CEP95: variants seen among roughly 807,000 people sequenced by gnomAD.
The protein encoded by CEP95 is centrosomal protein of 95 kDa.
CEP95 carries 98 observed loss-of-function variants against 111.2 expected under a neutral mutation model. The observed-to-expected ratio is 0.88, with a 90% CI of 0.75 to 1.04. CEP95 has a LOEUF of 1.04. Ranked by LOEUF, CEP95 falls within the 50% of genes least tolerant of loss-of-function variation. The pLI, the probability that CEP95 is intolerant of heterozygous loss-of-function variation, is 0.00. For synonymous variants in CEP95, 323 were observed against 327.1 expected, an observed-to-expected ratio of 0.99 and a Z score of 0.14; for missense variants, 1,027 against 977.2, an observed-to-expected ratio of 1.05 and a Z score of -0.68.
Position 64,508,503 on chromosome 17 carries a change from T to TG in CEP95, c.20-82dup, listed in dbSNP as rs201962290. 1.1e-3 allele frequency: 1,306 copies of TG among 1,226,254 alleles called. 8 individuals carry two copies. The African/African-American group carries it at 0.017, about 16-fold the overall frequency. 76.0% of individuals were successfully genotyped at this position (1,226,254 alleles called of 1,614,324 possible). ...TGCAAAGTTCAGTGTCTGTTTTTGT[T>TG]GGGGGGGAGGTTGTTGGATTTTTTA... On this transcript the variant is annotated intron_variant, in intron 1 of 19. Transcript: ENST00000556440.
chr17:64,521,349 C>T lies in CEP95; in HGVS notation c.590-53C>T, dbSNP rs551849206. ...AACTCTTGGCTTTTAGTATAATGTT[C>T]AGCAAACTATTTTGATAGTTAAAAA... is the stretch of plus-strand genomic sequence containing the variant. On this transcript the variant is annotated intron_variant, in intron 6 of 19. Transcript: ENST00000556440. The T allele has an allele frequency of 7.5e-4, 1,039 of 1,380,018 alleles. 10 individuals are homozygous for T. In the Middle Eastern group the frequency reaches 0.013, roughly 17 times the overall value. 85.5% of individuals were successfully genotyped at this position (1,380,018 alleles called of 1,614,324 possible).
rs181996036 is a variant in CEP95, at chr17:64,520,754, T to C, written c.590-648T>C. Among the ~76,000 whole-genome samples, 92 of 152,338 alleles carry C rather than the reference T, an allele frequency of 6.0e-4. 1 individual carries two copies. Among genetic ancestry groups the C allele is most frequent in the African/African-American group, 2.2e-3 (91 of 41,592 alleles). ...GGCCTGGACCATGAGTCCATGTTTCTGGTACTAGCTAAGACCCTAACTCTG... is the reference window on the plus strand; with the variant it reads ...GGCCTGGACCATGAGTCCATGTTTCCGGTACTAGCTAAGACCCTAACTCTG... On this transcript the variant is annotated intron_variant, in intron 6 of 19. Transcript: ENST00000556440.
intron 18 of CEP95, 102 bp downstream of exon 18, chr17:64,536,850 G>T: frequency 7.2e-7 from 1 of 1,382,512 alleles, no homozygotes; most frequent in Admixed American, 2.3e-5. Flanking sequence ...TGTGTTAACT[G>T]AAGTTTGCAC....
At chr17:64,516,371 G>C (rs2039145045) in intron 4 of CEP95, among the ~76,000 whole-genome samples, 1 of 152,254 alleles carries the variant, frequency 6.6e-6, no homozygotes, top group South Asian at 2.1e-4. Context: ...CTTGGAGCTT[G>C]CATTATGTTG....
At chr17:64,531,759 T>TA in intron 13 of CEP95, 131 bp from the exon 14 acceptor site, 2 of 580,224 alleles carry the variant, frequency 3.4e-6, no homozygotes, top group East Asian at 6.4e-5. Flanking sequence ...AGTAAGGTGG[T>TA]TTGGCTTACT....
chr17:64,517,428 A>G (rs184950610), intron 5 of CEP95, among the ~76,000 whole-genome samples: 7 of 152,326 alleles, frequency 4.6e-5, no homozygotes, highest in Admixed American at 2.6e-4. Flanking sequence ...AAAAAAATCT[A>G]TTCCGAACTA....
intron 11 of CEP95, among the ~76,000 whole-genome samples, chr17:64,527,664 C>T (rs1282245929): frequency 6.6e-6 from 1 of 152,050 alleles, no homozygotes; most frequent in Non-Finnish European, 1.5e-5. Context: ...TATTATTCTG[C>T]AACTTGCGTT....
At chr17:64,530,596 T>C (rs1598239230) in intron 12 of CEP95, among the ~76,000 whole-genome samples, 1 of 151,530 alleles carries the variant, frequency 6.6e-6, no homozygotes, top group East Asian at 2.0e-4. Context: ...TCAACCTCCG[T>C]TTCCCGGGTT....
intron 2 of CEP95, 100 bp from the exon 3 acceptor site, chr17:64,510,073 T>G (rs2038811032): frequency 1.0e-5 from 7 of 688,484 alleles, no homozygotes; most frequent in South Asian, 1.7e-5. Flanking sequence ...GGGCAGAGCC[T>G]TTATAGCAGT....
intron 19 of CEP95, 169 bp downstream of exon 19, chr17:64,537,281 A>G: frequency 7.1e-7 from 1 of 1,407,994 alleles, no homozygotes; most frequent in Non-Finnish European, 9.3e-7. Context: ...GCACAACAAC[A>G]AAATCATTTA....
At chr17:64,530,345 C>T (rs782454687) in intron 12 of CEP95, among the ~76,000 whole-genome samples, 2 of 152,100 alleles carry the variant, frequency 1.3e-5, no homozygotes, top group Non-Finnish European at 2.9e-5. Context: ...GAGTTTGTGC[C>T]ACTGCCTCCA....
intron 18 of CEP95, 137 bp downstream of exon 18, chr17:64,536,885 C>T: frequency 8.3e-7 from 1 of 1,205,998 alleles, no homozygotes; most frequent in Non-Finnish European, 1.2e-6. Context: ...GACCCCATTT[C>T]AAGATTGAAA....
In CEP95 at chr17:64,525,813, G is replaced by A. The variant is rs1555678943; in HGVS notation, c.953G>A (p.Gly318Asp). 1 of 1,606,224 alleles carries A rather than the reference G, an allele frequency of 6.2e-7. No individual in the cohort carries two copies. The highest frequency in any genetic ancestry group is 8.5e-7 in the Non-Finnish European group (1 of 1,177,728). Residue 318 changes from glycine (G) to aspartate (D), a missense_variant, in exon 9 of 20, where the codon GGC becomes GAC. Transcript: ENST00000556440. ...GLFLISKLPK[G>D]SKWEVYPAQV... is the part of the protein sequence containing the mutation. ...TTCTTAATTTCCAAGTTGCCTAAAG[G>A]CAGCAAATGGGAAGTATATCCAGCT...
chr17:64,508,738 A>G lies in CEP95; in HGVS notation c.148+18A>G, dbSNP rs566266777. 1.5e-6 allele frequency: 2 copies of G among 1,342,094 alleles called. No individual in the cohort carries two copies. Among genetic ancestry groups the G allele is most frequent in the Non-Finnish European group, 1.9e-6 (2 of 1,032,440 alleles). 83.1% of individuals were successfully genotyped at this position (1,342,094 alleles called of 1,614,324 possible). A position where few individuals can be genotyped will look rare whatever the true frequency, so the allele number is the denominator to read the frequency against. ...GGTACCAGGTAAGAATACTAAAAGC[A>G]GGAGTAATTTTGCCTATATCTTAGG... On this transcript the variant is annotated intron_variant, in intron 2 of 19. Transcript: ENST00000556440.
rs569250067 is a variant in CEP95 at position 64,522,959 on chromosome 17, T to C, written c.909+64T>C. 12 of 1,300,164 alleles carry C rather than the reference T, an allele frequency of 9.2e-6. No individual in the cohort carries two copies. In the African/African-American group the frequency reaches 1.8e-4, roughly 19 times the overall value. 80.5% of individuals were successfully genotyped at this position (1,300,164 alleles called of 1,614,324 possible). ...ACTTGTATGTATGTCTGTGTGTGTG[T>C]TGGTAATTGATTAGAAGGCCGTGTG... On this transcript the variant is annotated intron_variant, in intron 8 of 19. Transcript: ENST00000556440.
In CEP95 at chr17:64,507,883, A is replaced by G. The variant is rs1476753443; in HGVS notation, c.20-709A>G. The G allele has an allele frequency of 1.5e-5, 15 of 985,332 alleles. 1 individual carries two copies. Among genetic ancestry groups the G allele is most frequent in the Middle Eastern group, 1.0e-3 (2 of 1,936 alleles). 61.0% of individuals were successfully genotyped at this position (985,332 alleles called of 1,614,324 possible). Reference sequence around the variant, plus strand: ...AGGAACAAGTATTTTAAGCTAAGTTACTTTTGGTACAGAAACCGTTAAACT... The same window carrying G: ...AGGAACAAGTATTTTAAGCTAAGTTGCTTTTGGTACAGAAACCGTTAAACT... On this transcript the variant is annotated intron_variant, in intron 1 of 19. Transcript: ENST00000556440.
chr17:64,523,727 C>T (rs1555678523), intron 8 of CEP95, among the ~76,000 whole-genome samples: 1 of 152,040 alleles, frequency 6.6e-6, no homozygotes. Context: ...ATAGTGAGAC[C>T]TTGTCTCTGC....
intron 1 of CEP95, chr17:64,507,793 A>G: frequency 1.0e-6 from 1 of 985,500 alleles, no homozygotes; most frequent in South Asian, 4.7e-5. Context: ...TGTCCAGAAC[A>G]TAGTGGAGAT....
chr17:64,520,895 A>T (rs560019411), intron 6 of CEP95, among the ~76,000 whole-genome samples: 2 of 152,334 alleles, frequency 1.3e-5, no homozygotes, highest in South Asian at 4.1e-4. Flanking sequence ...TTTAAATTGT[A>T]TAAATGATTC....
Sources: gnomAD v4.1 joint callset for allele counts (sites outside exome capture counted in the v4.1 genomes callset) on GRCh38, gnomAD v4.1.1 for gene constraint, MANE v1.5 for transcripts, NCBI Gene and HGNC (gene_info 2026-07-23, HGNC 2026-07-21) for gene names.